GSG1L: variants seen among roughly 807,000 people sequenced by gnomAD.
GSG1L encodes GSG1 like.
Under a neutral mutation model 42.1 loss-of-function variants are expected in GSG1L, and 24 were observed. The observed-to-expected ratio is 0.57, with a 90% CI of 0.41 to 0.80. The LOEUF (loss-of-function observed/expected upper bound fraction) is 0.80. Among genes scored for constraint, GSG1L ranks in the 30% least tolerant of loss-of-function variants. The probability of loss-of-function intolerance (pLI) is 0.00; values close to 1 mark genes in which losing one functional copy is unlikely to be tolerated. For missense variants in GSG1L, 445 were observed against 472.2 expected (o/e 0.94, Z 0.53); for synonymous variants, 215 against 203.5 (o/e 1.06, Z -0.48).
intron 3 of GSG1L, among the ~76,000 whole-genome samples, chr16:27,873,536 A>T (rs920731851): frequency 6.6e-6 from 1 of 152,230 alleles, no homozygotes. Flanking sequence ...GATGATAACA[A>T]CAAAGATCAA....
chr16:28,056,515 G>T (rs1002513605), intron 1 of GSG1L, among the ~76,000 whole-genome samples: 1 of 141,390 alleles, frequency 7.1e-6, no homozygotes, highest in African/African-American at 2.5e-5. Context: ...ATATGCCTAA[G>T]GTAAATGACG....
rs902137995 is a variant in GSG1L at position 27,788,791 on chromosome 16, T to G, written c.*2579A>C. On this transcript the variant is annotated 3_prime_UTR_variant, in exon 7 of 7. Coordinates refer to ENST00000447459, the MANE Select transcript of GSG1L (RefSeq NM_001109763.2). ...CTTCAAATATGTTAGCTCATTTAAT[T>G]TGCACAACAGCTTGAAGAGGTAGGT... 6.6e-6 allele frequency: 1 copy of G among 152,224 alleles called. No homozygotes were observed. The highest frequency in any genetic ancestry group is 1.5e-5 in the Non-Finnish European group (1 of 68,042). 9.4% of individuals were successfully genotyped at this position (152,224 alleles called of 1,614,324 possible). A position where few individuals can be genotyped will look rare whatever the true frequency, so the allele number is the denominator to read the frequency against.
chr16:27,977,834 G>GATA (rs1267851153), intron 1 of GSG1L, among the ~76,000 whole-genome samples: 1 of 152,144 alleles, frequency 6.6e-6, no homozygotes, highest in Non-Finnish European at 1.5e-5. Context: ...ATTGGACCTA[G>GATA]ATATGTTTTT....
At chr16:28,058,178 C>T (rs990459619) in intron 1 of GSG1L, among the ~76,000 whole-genome samples, 4 of 152,152 alleles carry the variant, frequency 2.6e-5, no homozygotes, top group African/African-American at 7.2e-5. Flanking sequence ...AGCCAGGCTC[C>T]GGAGCCTCCC....
chr16:27,839,771 C>T (rs1360522765), intron 4 of GSG1L, among the ~76,000 whole-genome samples: 1 of 152,224 alleles, frequency 6.6e-6, no homozygotes, highest in Non-Finnish European at 1.5e-5. Context: ...AGAAGTTTTA[C>T]CATTTTAGAT....
chr16:27,807,253 C>G (rs1361439982), intron 6 of GSG1L, among the ~76,000 whole-genome samples: 1 of 152,208 alleles, frequency 6.6e-6, no homozygotes, highest in East Asian at 1.9e-4. Context: ...GAACTCCAGT[C>G]TCTTCCTTCC....
chr16:27,907,852 C>T lies in GSG1L; in HGVS notation c.398-23214G>A, dbSNP rs74015135. On this transcript the variant is annotated intron_variant, in intron 2 of 6. Coordinates refer to ENST00000447459, the MANE Select transcript of GSG1L (RefSeq NM_001109763.2). The stretch of plus-strand genomic sequence containing the variant: ...CCTGTGTCCTTTCTTGTGGTTGCAA[C>T]AGCCTCTGCCTCCTTCCTACTTTCC... Among the ~76,000 whole-genome samples, 1,115 of 147,568 alleles carry T rather than the reference C, an allele frequency of 7.6e-3. 13 individuals are homozygous for T. Among genetic ancestry groups the T allele is most frequent in the African/African-American group, 0.027 (1,063 of 38,814 alleles).
chr16:28,062,485 G>T (rs1257389516), intron 1 of GSG1L, among the ~76,000 whole-genome samples: 1 of 152,230 alleles, frequency 6.6e-6, no homozygotes, highest in Non-Finnish European at 1.5e-5. Flanking sequence ...TGGCAATAGG[G>T]GTGCCTCTGG....
chr16:27,973,692 C>T (rs1019983827), intron 1 of GSG1L, among the ~76,000 whole-genome samples: 16 of 152,074 alleles, frequency 1.1e-4, no homozygotes, highest in Non-Finnish European at 1.5e-4. Flanking sequence ...ACTCACTGCA[C>T]GTGTAACATC....
intron 5 of GSG1L, among the ~76,000 whole-genome samples, chr16:27,826,842 C>A (rs773555546): frequency 1.3e-5 from 2 of 152,218 alleles, no homozygotes; most frequent in African/African-American, 4.8e-5. Context: ...AAGCCCCCAG[C>A]CTGTTCATGA....
At chr16:27,900,542 G>A (rs1461511299) in intron 2 of GSG1L, among the ~76,000 whole-genome samples, 2 of 152,116 alleles carry the variant, frequency 1.3e-5, no homozygotes, top group African/African-American at 4.8e-5. Flanking sequence ...TTTGAGGTAG[G>A]GGCTACCAGG....
chr16:27,880,975 C>CACTTCCACTTCCACCCCTTCCA (rs1399247721), intron 3 of GSG1L, among the ~76,000 whole-genome samples: 1 of 151,808 alleles, frequency 6.6e-6, no homozygotes, highest in Non-Finnish European at 1.5e-5. Context: ...CCACTTCTTC[C>CACTTCCACTTCCACCCCTTCCA]CTATCTTGGT....
chr16:27,875,209 G>T lies in GSG1L; in HGVS notation c.550+9277C>A, dbSNP rs542763939. ...AGATTATGGGGAGTTAATGTCTCAGGAGTGACCCTAAACTAATGGTGGATG... is the reference window on the plus strand; with the variant it reads ...AGATTATGGGGAGTTAATGTCTCAGTAGTGACCCTAAACTAATGGTGGATG... On this transcript the variant is annotated intron_variant, in intron 3 of 6. Transcript: ENST00000447459. 7.2e-5 allele frequency among the ~76,000 whole-genome samples: 11 copies of T among 152,250 alleles called. No homozygotes were observed. In the South Asian group the frequency reaches 2.1e-3, roughly 29 times the overall value.
At chr16:28,019,452 GC>G (rs560280167) in intron 1 of GSG1L, among the ~76,000 whole-genome samples, 244 of 152,298 alleles carry the variant, frequency 1.6e-3, no homozygotes, top group Middle Eastern at 3.4e-3. Context: ...TTCAGGAATT[GC>G]CCACACTTTT....
At chr16:27,913,828 A>G (rs1430465220) in intron 2 of GSG1L, among the ~76,000 whole-genome samples, 1 of 152,018 alleles carries the variant, frequency 6.6e-6, no homozygotes, top group Admixed American at 6.5e-5. Context: ...CACAGACTAA[A>G]TTTAATTATT....
chr16:27,801,064 T>G (rs1040419809), intron 6 of GSG1L, among the ~76,000 whole-genome samples: 1 of 151,842 alleles, frequency 6.6e-6, no homozygotes, highest in Non-Finnish European at 1.5e-5. Flanking sequence ...AGCCACACCA[T>G]GATTTAGAGG....
chr16:27,983,111 G>A (rs1882768535), intron 1 of GSG1L, among the ~76,000 whole-genome samples: 1 of 152,176 alleles, frequency 6.6e-6, no homozygotes, highest in African/African-American at 2.4e-5. Flanking sequence ...AAGGCAGGAG[G>A]ATCACTTGAG....
chr16:27,915,639 TAAAC>T (rs1413477719), intron 2 of GSG1L, among the ~76,000 whole-genome samples: 1 of 152,072 alleles, frequency 6.6e-6, no homozygotes, highest in Non-Finnish European at 1.5e-5. Flanking sequence ...AGATTGAAAA[TAAAC>T]AAGTTTTCAA....
chr16:27,797,262 C>A (rs761666549), intron 6 of GSG1L, among the ~76,000 whole-genome samples: 3 of 152,156 alleles, frequency 2.0e-5, no homozygotes, highest in Non-Finnish European at 2.9e-5. Context: ...AGTGGCAGTG[C>A]CTGTGATCTC....
Sources: gnomAD v4.1 joint callset for allele counts (sites outside exome capture counted in the v4.1 genomes callset) on GRCh38, gnomAD v4.1.1 for gene constraint, MANE v1.5 for transcripts, NCBI Gene and HGNC (gene_info 2026-07-23, HGNC 2026-07-21) for gene names.